SDC2: variants seen among roughly 807,000 people sequenced by gnomAD.
The protein encoded by SDC2 is syndecan-2.
Under a neutral mutation model 22.2 loss-of-function variants are expected in SDC2, and 13 were observed. The observed-to-expected ratio is 0.59, with a 90% CI of 0.38 to 0.93. SDC2 has a LOEUF of 0.93. SDC2 is among the 40% of genes least tolerant of loss of function. The probability of loss-of-function intolerance (pLI) is 0.00; values close to 1 mark genes in which losing one functional copy is unlikely to be tolerated. For missense variants in SDC2, 235 were observed against 246.8 expected (o/e 0.95, Z 0.32); for synonymous variants, 94 against 92.8 (o/e 1.01, Z -0.07).
chr8:96,545,330 T>G (rs1813914141), intron 1 of SDC2, among the ~76,000 whole-genome samples: 1 of 152,226 alleles, frequency 6.6e-6, no homozygotes, highest in South Asian at 2.1e-4. Context: ...GATATGGGAC[T>G]GGCCTAGGAT....
At chr8:96,565,097 T>TTTTTTTTTTTTTTTTTTTGTTGTTG (rs1329448270) in intron 1 of SDC2, among the ~76,000 whole-genome samples, 1 of 128,628 alleles carries the variant, frequency 7.8e-6, no homozygotes, top group African/African-American at 3.2e-5. Flanking sequence ...TTTTTTTTTT[T>TTTTTTTTTTTTTTTTTTTGTTGTTG]TTGTTGAGAT....
In SDC2 at chr8:96,602,280, C is replaced by G. The variant is rs1033114895; in HGVS notation, c.173-115C>G. The G allele has an allele frequency of 4.6e-6, 5 of 1,088,182 alleles. No homozygotes were observed. In the African/African-American group the frequency reaches 7.9e-5, roughly 17 times the overall value. The allele number at this position is 1,088,182 out of a possible 1,614,324, so 67.4% of individuals were successfully genotyped here. The stretch of plus-strand genomic sequence containing the variant: ...GCTTTGTGCTGAAGTCTTAAAGAGC[C>G]AGCATTTTGAAAGAACATGATTCTG... On this transcript the variant is annotated intron_variant, in intron 2 of 4. Coordinates refer to ENST00000302190, the MANE Select transcript of SDC2 (RefSeq NM_002998.4).
intron 1 of SDC2, among the ~76,000 whole-genome samples, chr8:96,523,919 G>A (rs1182196687): frequency 6.6e-6 from 1 of 152,172 alleles, no homozygotes; most frequent in African/African-American, 2.4e-5. Flanking sequence ...TTCTTCTCTG[G>A]TTGTTGCCAC....
chr8:96,525,655 T>G (rs1025437470), intron 1 of SDC2, among the ~76,000 whole-genome samples: 3 of 152,150 alleles, frequency 2.0e-5, no homozygotes, highest in Non-Finnish European at 2.9e-5. Context: ...TCGGAAAGGT[T>G]AAAGGACTTG....
At chr8:96,608,729 T>C (rs1815126760) in intron 4 of SDC2, among the ~76,000 whole-genome samples, 1 of 152,162 alleles carries the variant, frequency 6.6e-6, no homozygotes, top group East Asian at 1.9e-4. Context: ...AACATCTGAA[T>C]TGATCCAGAA....
intron 1 of SDC2, among the ~76,000 whole-genome samples, chr8:96,538,110 A>C (rs1377266046): frequency 6.6e-6 from 1 of 152,042 alleles, no homozygotes; most frequent in Non-Finnish European, 1.5e-5. Context: ...TTACAGGCGC[A>C]CACCACCACG....
At chr8:96,536,356 T>C (rs181739370) in intron 1 of SDC2, among the ~76,000 whole-genome samples, 1 of 152,292 alleles carries the variant, frequency 6.6e-6, no homozygotes, top group East Asian at 1.9e-4. Context: ...GGTCTTGCTC[T>C]GTTGCCCAGG....
At chr8:96,525,718 C>T (rs768684704) in intron 1 of SDC2, among the ~76,000 whole-genome samples, 6 of 152,054 alleles carry the variant, frequency 3.9e-5, no homozygotes, top group African/African-American at 1.4e-4. Context: ...TATTGATCTC[C>T]GAGGGCATCT....
chr8:96,501,395 C>A (rs1813163270), intron 1 of SDC2, among the ~76,000 whole-genome samples: 1 of 149,752 alleles, frequency 6.7e-6, no homozygotes, highest in East Asian at 2.0e-4. Flanking sequence ...CAACCTCCTC[C>A]CCCCGTTCAA....
chr8:96,602,330 G>T, intron 2 of SDC2, 65 bp from the exon 3 acceptor site: 24 of 1,540,032 alleles, frequency 1.6e-5, no homozygotes, highest in Non-Finnish European at 2.1e-5. Flanking sequence ...AGGCAATAGT[G>T]CCTGATAATG....
At chr8:96,579,160 C>T (rs1352819342) in intron 1 of SDC2, among the ~76,000 whole-genome samples, 3 of 152,222 alleles carry the variant, frequency 2.0e-5, no homozygotes. Flanking sequence ...TATGGGCTGT[C>T]AGTCTACTTA....
chr8:96,532,712 A>C lies in SDC2; in HGVS notation c.60+38381A>C, dbSNP rs56800680. On this transcript the variant is annotated intron_variant, in intron 1 of 4. Transcript: ENST00000302190. Reference sequence around the variant, plus strand: ...AAGAGCAAGAGCTGTGAACTCAGACAGGCTGAGTGCAGCCCCTAGCCCGCA... The same window carrying C: ...AAGAGCAAGAGCTGTGAACTCAGACCGGCTGAGTGCAGCCCCTAGCCCGCA... Among the ~76,000 whole-genome samples the C allele has an allele frequency of 5.6e-3, 857 of 152,098 alleles. 9 individuals carry two copies. The highest frequency in any genetic ancestry group is 0.019 in the African/African-American group (770 of 41,470).
At chr8:96,573,673 G>A (rs1457752542) in intron 1 of SDC2, among the ~76,000 whole-genome samples, 1 of 151,932 alleles carries the variant, frequency 6.6e-6, no homozygotes, top group African/African-American at 2.4e-5. Flanking sequence ...TAATCCTTCT[G>A]GTTTGGCACT....
chr8:96,511,523 G>A (rs761710318), intron 1 of SDC2, among the ~76,000 whole-genome samples: 8 of 152,118 alleles, frequency 5.3e-5, no homozygotes, highest in East Asian at 1.9e-4. Context: ...CCCTTAGAAC[G>A]CCCTTAATTT....
chr8:96,562,133 A>G (rs188099774), intron 1 of SDC2, among the ~76,000 whole-genome samples: 73 of 152,186 alleles, frequency 4.8e-4, no homozygotes, highest in African/African-American at 1.7e-3. Context: ...TGCCTGTTAC[A>G]TGTAGGTCTG....
chr8:96,601,413 AG>A (rs1380672758), intron 2 of SDC2, among the ~76,000 whole-genome samples: 1 of 152,054 alleles, frequency 6.6e-6, no homozygotes, highest in Non-Finnish European at 1.5e-5. Context: ...AGGCTGAAGC[AG>A]GTGGATCACA....
intron 1 of SDC2, among the ~76,000 whole-genome samples, chr8:96,563,824 C>A (rs1029397759): frequency 6.6e-6 from 1 of 152,186 alleles, no homozygotes; most frequent in Non-Finnish European, 1.5e-5. Context: ...TGCTTGGTGC[C>A]AGCTGACAGG....
Position 96,493,941 on chromosome 8 carries a change from A to C in SDC2, c.-331A>C. The C allele has an allele frequency of 3.0e-5, 11 of 360,974 alleles. No homozygotes were observed. Among genetic ancestry groups the C allele is most frequent in the East Asian group, 1.1e-4 (2 of 18,172 alleles). 22.4% of individuals were successfully genotyped at this position (360,974 alleles called of 1,614,324 possible). On this transcript the variant is annotated 5_prime_UTR_variant, in exon 1 of 5. Coordinates refer to ENST00000302190, the MANE Select transcript of SDC2 (RefSeq NM_002998.4). ...ACCAGAAACTGAACCTCGGCACGGG[A>C]AAGGAGTCCGCGGAGGAGCAAAACC...
At position 96,609,448 on chromosome 8, in the gene SDC2, A is replaced by G. The variant is rs1375527348; in HGVS notation, c.506A>G (p.Tyr169Cys). The G allele has an allele frequency of 1.9e-6, 3 of 1,613,692 alleles. No homozygotes were observed. Among genetic ancestry groups the G allele is most frequent in the South Asian group, 1.1e-5 (1 of 91,026 alleles). ...ATTTTTCTTATCCTGCTGTTGGTGTATCGCATGAGAAAGAAGGATGAAGGA... is the reference window on the plus strand; with the variant it reads ...ATTTTTCTTATCCTGCTGTTGGTGTGTCGCATGAGAAAGAAGGATGAAGGA... ...FAIFLILLLV[Y>C]RMRKKDEGSY... The change falls in exon 5 of 5, where the codon TAT (tyrosine) becomes TGT (cysteine). Residue 169 changes from tyrosine to cysteine, a missense_variant. Transcript: ENST00000302190.
Sources: gnomAD v4.1 joint callset for allele counts (sites outside exome capture counted in the v4.1 genomes callset) on GRCh38, gnomAD v4.1.1 for gene constraint, MANE v1.5 for transcripts, NCBI Gene and HGNC (gene_info 2026-07-23, HGNC 2026-07-21) for gene names.